Variants in PFKP observed in about 807,000 individuals in gnomAD.
PFKP encodes the protein ATP-dependent 6-phosphofructokinase, platelet type.
Under a neutral mutation model 94.3 loss-of-function variants are expected in PFKP, and 101 were observed. The observed-to-expected ratio is 1.07, with a 90% CI of 0.91 to 1.26. PFKP has a LOEUF of 1.26. PFKP is among the 50% of genes most tolerant of loss of function. PFKP has a pLI of 0.00. For synonymous variants in PFKP, 573 were observed against 432.6 expected (o/e 1.32, Z -4.03); for missense variants, 1,145 against 1,103.3 (o/e 1.04, Z -0.53).
At chr10:3,118,162 A>T (rs2131630138) in intron 14 of PFKP, among the ~76,000 whole-genome samples, 1 of 152,250 alleles carries the variant, frequency 6.6e-6, no homozygotes, top group South Asian at 2.1e-4. Flanking sequence ...GTTATTTGGA[A>T]ACTGGAAATT....
chr10:3,125,064 A>G (rs1588548269), intron 16 of PFKP: 2 of 1,194,556 alleles, frequency 1.7e-6, no homozygotes, highest in Non-Finnish European at 2.1e-6. Flanking sequence ...AGCACCCGGC[A>G]CCCCCGCTAA....
intron 1 of PFKP, among the ~76,000 whole-genome samples, chr10:3,073,830 T>TTTGTTCG (rs1832378713): frequency 2.7e-5 from 4 of 150,692 alleles, no homozygotes; most frequent in African/African-American, 1.0e-4. Context: ...TGTGTGTTTT[T>TTTGTTCG]TTTGTTTGTT....
At chr10:3,067,976 G>C (rs918218275) in intron 1 of PFKP, among the ~76,000 whole-genome samples, 13 of 152,216 alleles carry the variant, frequency 8.5e-5, no homozygotes, top group Non-Finnish European at 1.8e-4. Context: ...CGGTGGGGCG[G>C]GGGAGGAAGG....
chr10:3,096,275 T>C (rs1193571390), intron 2 of PFKP, among the ~76,000 whole-genome samples: 2 of 152,138 alleles, frequency 1.3e-5, no homozygotes, highest in African/African-American at 4.8e-5. Flanking sequence ...GGGTGCATGG[T>C]TGACTCCTGG....
chr10:3,116,787 C>A lies in PFKP; in HGVS notation c.1383C>A (p.Ile461=), dbSNP rs61760975. 409 of 1,613,286 alleles carry A rather than the reference C, an allele frequency of 2.5e-4. No individual in the cohort carries two copies. The highest frequency in any genetic ancestry group is 3.3e-4 in the Non-Finnish European group (395 of 1,179,214). ...TGTTTGCACATTAGATCAAAGAAAT[C>A]GGCTGGACAGATGTCGGGGGCTGGA... The part of the protein sequence containing the change: ...DGFAKGQIKE[I]GWTDVGGWTG... Residue 461 remains isoleucine, a synonymous_variant, in exon 14 of 22, where the codon ATC becomes ATA. Coordinates refer to ENST00000381125, the MANE Select transcript of PFKP (RefSeq NM_002627.5).
intron 19 of PFKP, 58 bp from the exon 20 acceptor site, chr10:3,134,425 T>TA: frequency 1.4e-6 from 1 of 734,184 alleles, no homozygotes. Flanking sequence ...GTCATTTCTA[T>TA]TTAACAGCAA....
intron 17 of PFKP, among the ~76,000 whole-genome samples, chr10:3,130,898 C>A (rs1470822047): frequency 2.0e-5 from 3 of 152,126 alleles, no homozygotes; most frequent in Non-Finnish European, 2.9e-5. Context: ...TGTTTCTGAG[C>A]CAAATAGATC....
At chr10:3,100,902 C>T (rs776931425) in intron 3 of PFKP, 2 of 1,502,464 alleles carry the variant, frequency 1.3e-6, no homozygotes, top group Middle Eastern at 1.7e-4. Context: ...CCCCAGGTTC[C>T]TGCTGGTTTT....
intron 2 of PFKP, among the ~76,000 whole-genome samples, chr10:3,090,487 AGGTAGGGAAACGG>A (rs1212232550): frequency 1.3e-5 from 2 of 152,200 alleles, no homozygotes; most frequent in Non-Finnish European, 2.9e-5. Flanking sequence ...GTGTGTGGCC[AGGTAGGGAAACGG>A]GGTCTGCACC....
intron 16 of PFKP, among the ~76,000 whole-genome samples, chr10:3,125,405 T>C (rs1837845059): frequency 6.6e-6 from 1 of 152,198 alleles, no homozygotes; most frequent in Non-Finnish European, 1.5e-5. Flanking sequence ...TAAAATTTTT[T>C]TAGCTTCTCT....
At chr10:3,120,304 A>G (rs1399806796) in intron 16 of PFKP, among the ~76,000 whole-genome samples, 1 of 152,010 alleles carries the variant, frequency 6.6e-6, no homozygotes, top group Non-Finnish European at 1.5e-5. Context: ...GGTGCCCGTG[A>G]GCACCCGAGG....
At chr10:3,124,768 C>G (rs559948772) in intron 16 of PFKP, among the ~76,000 whole-genome samples, 413 of 152,324 alleles carry the variant, frequency 2.7e-3, no homozygotes, top group Non-Finnish European at 5.0e-3. Flanking sequence ...CCTACCATGA[C>G]ACGCCGAGAG....
At chr10:3,125,173 C>A in intron 16 of PFKP, 1 of 1,349,642 alleles carries the variant, frequency 7.4e-7, no homozygotes. Context: ...TGTGTGGTGC[C>A]GGCCACGATT....
chr10:3,108,644 T>TCTGGAAGGAGGTA, intron 8 of PFKP, 57 bp from the exon 9 acceptor site: 1 of 1,294,916 alleles, frequency 7.7e-7, no homozygotes, highest in Non-Finnish European at 1.1e-6. Context: ...TCCTTCCAGA[T>TCTGGAAGGAGGTA]CTGGGCTGCT....
chr10:3,079,055 G>C (rs973503767), intron 1 of PFKP, among the ~76,000 whole-genome samples: 3 of 152,222 alleles, frequency 2.0e-5, no homozygotes, highest in African/African-American at 7.2e-5. Flanking sequence ...ACATGGGGGT[G>C]CTGCGGCCGC....
At chr10:3,093,836 G>T (rs956621372) in intron 2 of PFKP, among the ~76,000 whole-genome samples, 10 of 152,052 alleles carry the variant, frequency 6.6e-5, no homozygotes, top group East Asian at 1.9e-4. Context: ...GTAGAGGTGG[G>T]GTTTCACCGT....
chr10:3,134,381 G>GAA lies in PFKP; in HGVS notation c.2023-100_2023-99dup, dbSNP rs1318690062. 8.5e-5 allele frequency: 64 copies of GAA among 750,256 alleles called. No homozygotes were observed. In the South Asian group the frequency reaches 1.0e-3, roughly 12 times the overall value. The allele number at this position is 750,256 out of a possible 1,614,324, so 46.5% of individuals were successfully genotyped here. A position where few individuals can be genotyped will look rare whatever the true frequency, so the allele number is the denominator to read the frequency against. On this transcript the variant is annotated intron_variant, in intron 19 of 21. Transcript: ENST00000381125. ...GTTCTGTTCCAACTATAAGGACCTAGAAATAAAAACATGAATTCTGCAAAA... is the reference window on the plus strand; with the variant it reads ...GTTCTGTTCCAACTATAAGGACCTAGAAAAATAAAAACATGAATTCTGCAAAA...
intron 17 of PFKP, among the ~76,000 whole-genome samples, chr10:3,132,156 C>T (rs963536590): frequency 6.6e-5 from 10 of 152,122 alleles, no homozygotes; most frequent in South Asian, 2.1e-4. Context: ...TGCTAGTGGC[C>T]GCCGTGAGGG....
intron 2 of PFKP, 117 bp downstream of exon 2, chr10:3,082,578 A>G (rs553947883): frequency 3.3e-6 from 2 of 604,002 alleles, no homozygotes; most frequent in South Asian, 3.7e-5. Flanking sequence ...AGAGGTGGGC[A>G]GGGGAGCAAG....
Sources: allele counts gnomAD v4.1 joint callset (sites outside exome capture counted in the v4.1 genomes callset), GRCh38; gene constraint gnomAD v4.1.1; transcripts MANE v1.5; gene names NCBI Gene and HGNC (gene_info 2026-07-23, HGNC 2026-07-21).